Variants in NFILZ observed in about 807,000 individuals in gnomAD.
The protein encoded by NFILZ is NFIL3 like basic leucine zipper, also known as NFIL3 like protein.
Position 8,678,025 on chromosome 19 carries a change from C to T in NFILZ, c.*390C>T, listed in dbSNP as rs1378367226. On this transcript the variant is annotated 3_prime_UTR_variant, in exon 6 of 6. Coordinates refer to ENST00000691075, the MANE Select transcript of NFILZ (RefSeq NM_001378600.1). The stretch of plus-strand genomic sequence containing the variant: ...ATCCATTAGTCCCTCCATCCTTATC[C>T]ATCTATCCATCCATCCATCCATCCA... 8.1e-6 allele frequency among the ~76,000 whole-genome samples: 1 copy of T among 123,808 alleles called. No individual in the cohort carries two copies. The highest frequency in any genetic ancestry group is 1.7e-5 in the Non-Finnish European group (1 of 58,438). 81.2% of individuals were successfully genotyped at this position (123,808 alleles called of 152,430 possible).
chr19:8,642,569 T>C (rs2042923495), intron 3 of NFILZ, among the ~76,000 whole-genome samples: 1 of 152,098 alleles, frequency 6.6e-6, no homozygotes, highest in Admixed American at 6.6e-5. Flanking sequence ...TGGGGCTGAC[T>C]ACCTTGGATT....
chr19:8,646,835 C>G (rs568451008), intron 3 of NFILZ, among the ~76,000 whole-genome samples: 2 of 152,234 alleles, frequency 1.3e-5, no homozygotes, highest in South Asian at 4.1e-4. Context: ...AGAGCAAATG[C>G]GTATCCTCAG....
intron 3 of NFILZ, among the ~76,000 whole-genome samples, chr19:8,643,772 A>G (rs782417044): frequency 1.3e-5 from 2 of 152,092 alleles, no homozygotes; most frequent in African/African-American, 2.4e-5. Context: ...AAAGCAGATC[A>G]TAGGATGTCT....
chr19:8,632,946 C>T (rs147021932), intron 2 of NFILZ, among the ~76,000 whole-genome samples: 7 of 151,086 alleles, frequency 4.6e-5, no homozygotes, highest in African/African-American at 1.5e-4. Context: ...TGGTCTCAAA[C>T]TCTTGACCTC....
At chr19:8,674,947 A>C (rs1246347968) in intron 4 of NFILZ, among the ~76,000 whole-genome samples, 1 of 152,216 alleles carries the variant, frequency 6.6e-6, no homozygotes, top group East Asian at 1.9e-4. Flanking sequence ...AAGTGAACAG[A>C]AAAATGTGGT....
At chr19:8,644,670 T>A (rs782329486) in intron 3 of NFILZ, among the ~76,000 whole-genome samples, 1 of 152,108 alleles carries the variant, frequency 6.6e-6, no homozygotes, top group Non-Finnish European at 1.5e-5. Flanking sequence ...CTTACCGTGT[T>A]GCCCAGGCTG....
chr19:8,650,392 C>T (rs893414674), intron 3 of NFILZ, among the ~76,000 whole-genome samples: 5 of 152,056 alleles, frequency 3.3e-5, no homozygotes, highest in Admixed American at 6.6e-5. Context: ...CGGTGGCTCA[C>T]GCCTGTAATC....
chr19:8,651,442 G>A (rs1260058167), intron 3 of NFILZ, among the ~76,000 whole-genome samples: 3 of 152,170 alleles, frequency 2.0e-5, no homozygotes, highest in African/African-American at 4.8e-5. Context: ...GATTACCGGC[G>A]TGAGCCACTG....
chr19:8,636,169 G>A (rs1555746074), intron 3 of NFILZ, among the ~76,000 whole-genome samples: 1 of 151,614 alleles, frequency 6.6e-6, no homozygotes, highest in African/African-American at 2.4e-5. Flanking sequence ...TTTATTTTCG[G>A]CTGGGCGCGG....
chr19:8,647,787 GCGCGCGCGCA>G (rs781788128), intron 3 of NFILZ, among the ~76,000 whole-genome samples: 2,618 of 94,598 alleles, frequency 0.028, 26 homozygotes, highest in Middle Eastern at 0.086. Flanking sequence ...ATGCGCGCGC[GCGCGCGCGCA>G]CACACACACA....
chr19:8,654,887 C>G (rs1164501180), intron 3 of NFILZ, among the ~76,000 whole-genome samples: 5 of 152,118 alleles, frequency 3.3e-5, no homozygotes, highest in Non-Finnish European at 7.4e-5. Flanking sequence ...CCCACTCTGC[C>G]CCTGGAGTCC....
intron 3 of NFILZ, among the ~76,000 whole-genome samples, chr19:8,659,931 C>G (rs1041229167): frequency 1.3e-5 from 2 of 152,090 alleles, no homozygotes; most frequent in Non-Finnish European, 2.9e-5. Flanking sequence ...CTCCAAGGGC[C>G]GGAAGACACT....
In NFILZ at chr19:8,635,653, C is replaced by CGTGAGTT. The variant is rs2042891198; in HGVS notation, c.-254_-248dup. On this transcript the variant is annotated 5_prime_UTR_variant, in exon 3 of 6. The change abolishes the stop of an existing upstream ORF in the 5' untranslated region. Transcript: ENST00000691075. ...GCATCCATTCATTTGTTGACAGACA[C>CGTGAGTT]GTGAGTTGTTTCCAGTTTTGGTGAC... 6.6e-6 allele frequency: 1 copy of CGTGAGTT among 152,126 alleles called. No homozygotes were observed. Among genetic ancestry groups the CGTGAGTT allele is most frequent in the Admixed American group, 6.6e-5 (1 of 15,260 alleles). The allele number at this position is 152,126 out of a possible 1,614,324, so 9.4% of individuals were successfully genotyped here.
rs1380531960 is a variant in NFILZ, at chr19:8,656,467, G to A, written c.-163-18084G>A. Reference sequence around the variant, plus strand: ...CCTCGAAGCCCACCTTCTCTCTGAAGCCCACCTTCTCCCGCAGCCCACCTT... The same window carrying A: ...CCTCGAAGCCCACCTTCTCTCTGAAACCCACCTTCTCCCGCAGCCCACCTT... On this transcript the variant is annotated intron_variant, in intron 3 of 5. Transcript: ENST00000691075. Among the ~76,000 whole-genome samples, 273 of 36,928 alleles carry A rather than the reference G, an allele frequency of 7.4e-3. 5 individuals are homozygous for A. Among genetic ancestry groups the A allele is most frequent in the Middle Eastern group, 0.036 (2 of 56 alleles). 24.2% of individuals were successfully genotyped at this position (36,928 alleles called of 152,430 possible).
chr19:8,657,865 C>A (rs2043012021), intron 3 of NFILZ, among the ~76,000 whole-genome samples: 1 of 152,100 alleles, frequency 6.6e-6, no homozygotes, highest in African/African-American at 2.4e-5. Flanking sequence ...TCACATGGGC[C>A]AAAAGAGCTA....
chr19:8,675,744 G>A (rs563210855), intron 4 of NFILZ, among the ~76,000 whole-genome samples: 10 of 152,322 alleles, frequency 6.6e-5, no homozygotes, highest in African/African-American at 2.4e-4. Context: ...TCCAGCTTGG[G>A]TGACAGTCAG....
At chr19:8,651,315 C>T (rs573406922) in intron 3 of NFILZ, among the ~76,000 whole-genome samples, 3 of 152,180 alleles carry the variant, frequency 2.0e-5, no homozygotes, top group South Asian at 2.1e-4. Context: ...GTGCCCACCA[C>T]TAGGCCCAGC....
intron 4 of NFILZ, among the ~76,000 whole-genome samples, chr19:8,674,898 C>T (rs1165747543): frequency 1.3e-5 from 2 of 152,148 alleles, no homozygotes; most frequent in African/African-American, 2.4e-5. Context: ...AGGAAAGTTA[C>T]TACGGTTTAT....
chr19:8,645,791 A>T (rs1424314407), intron 3 of NFILZ, among the ~76,000 whole-genome samples: 1 of 152,172 alleles, frequency 6.6e-6, no homozygotes, highest in Non-Finnish European at 1.5e-5. Flanking sequence ...CAGTGATGGC[A>T]GAGGAGAGGC....
Sources: allele counts gnomAD v4.1 joint callset (sites outside exome capture counted in the v4.1 genomes callset), GRCh38; gene constraint gnomAD v4.1.1; transcripts MANE v1.5; gene names NCBI Gene and HGNC (gene_info 2026-07-23, HGNC 2026-07-21).